ENPP1: variants seen among roughly 807,000 people sequenced by gnomAD.
ENPP1 encodes the protein ectonucleotide pyrophosphatase/phosphodiesterase 1, also known as ectonucleotide pyrophosphatase/phosphodiesterase family member 1.
ENPP1 carries 73 observed loss-of-function variants against 122.8 expected under a neutral mutation model. The observed-to-expected ratio is 0.59, with a 90% confidence interval of 0.49 to 0.72. The LOEUF (loss-of-function observed/expected upper bound fraction) is 0.72. Ranked by LOEUF, ENPP1 falls within the 30% of genes least tolerant of loss-of-function variation. ENPP1 has a pLI of 0.00. For synonymous variants in ENPP1, 367 were observed against 391.6 expected, an observed-to-expected ratio of 0.94 and a Z score of 0.74; for missense variants, 978 against 1,128.1, an observed-to-expected ratio of 0.87 and a Z score of 1.91.
chr6:131,816,602 A>T (rs1026810581), intron 1 of ENPP1, among the ~76,000 whole-genome samples: 1 of 152,356 alleles, frequency 6.6e-6, no homozygotes, highest in South Asian at 2.1e-4. Context: ...GTTCAGTTAA[A>T]TATTAACGGG....
intron 1 of ENPP1, among the ~76,000 whole-genome samples, chr6:131,822,329 A>G (rs1177300947): frequency 1.3e-5 from 2 of 152,234 alleles, no homozygotes; most frequent in African/African-American, 2.4e-5. Flanking sequence ...ATCATTTGCT[A>G]TGTGACCTTT....
chr6:131,826,862 C>A (rs540826928), intron 1 of ENPP1: 42 of 369,658 alleles, frequency 1.1e-4, no homozygotes, highest in African/African-American at 7.3e-4. Context: ...AGAAAAGTTT[C>A]TCACATAGGG....
At chr6:131,879,326 C>T (rs1280609004) in intron 19 of ENPP1, among the ~76,000 whole-genome samples, 3 of 152,128 alleles carry the variant, frequency 2.0e-5, no homozygotes, top group African/African-American at 7.2e-5. Context: ...ATAGTATTCC[C>T]TGTCAGCTGC....
chr6:131,878,689 A>G lies in ENPP1; in HGVS notation c.1945+96A>G, dbSNP rs193165741. ...ACTGGCTTGGGGGTATTATTTGAGA[A>G]TAACCAATAAAATAAAGGGAGTTCT... On this transcript the variant is annotated intron_variant, in intron 19 of 24. Transcript: ENST00000647893. The G allele has an allele frequency of 1.3e-4, 121 of 910,346 alleles. No individual in the cohort carries two copies. In the African/African-American group the frequency reaches 1.6e-3, roughly 12 times the overall value. The allele number at this position is 910,346 out of a possible 1,614,324, so 56.4% of individuals were successfully genotyped here. A position where few individuals can be genotyped will look rare whatever the true frequency, so the allele number is the denominator to read the frequency against.
intron 24 of ENPP1, among the ~76,000 whole-genome samples, chr6:131,886,926 C>CTTTTTTT (rs60409660): frequency 1.3e-4 from 14 of 110,490 alleles, no homozygotes; most frequent in South Asian, 3.2e-4. Flanking sequence ...TTACTTTTTT[C>CTTTTTTT]TTTTTTTTTT....
intron 1 of ENPP1, among the ~76,000 whole-genome samples, chr6:131,816,405 G>A (rs572268038): frequency 6.6e-6 from 1 of 152,088 alleles, no homozygotes; most frequent in East Asian, 1.9e-4. Flanking sequence ...AAACCTTTTA[G>A]CAAATGAGCT....
intron 1 of ENPP1, among the ~76,000 whole-genome samples, chr6:131,822,484 A>G (rs1781494911): frequency 6.6e-6 from 1 of 152,140 alleles, no homozygotes; most frequent in African/African-American, 2.4e-5. Flanking sequence ...TATCTATTGC[A>G]AAAAATTCAG....
At chr6:131,875,717 T>G (rs988425958) in intron 16 of ENPP1, 59 bp from the exon 17 acceptor site, 3 of 1,345,638 alleles carry the variant, frequency 2.2e-6, no homozygotes, top group African/African-American at 1.4e-5. Context: ...ACAGAATTTT[T>G]GGGACCAACT....
At chr6:131,820,099 C>T (rs892344857) in intron 1 of ENPP1, 6 of 461,812 alleles carry the variant, frequency 1.3e-5, no homozygotes, top group African/African-American at 6.1e-5. Context: ...CATCTTGCCC[C>T]CCTTCCCTGC....
chr6:131,890,693 T>C lies in ENPP1; in HGVS notation c.*182T>C. ...GCACAGCAGTGGAGAGTGTTCCTGTTGAATCTTGCACATATTTGAATGTGT... is the reference window on the plus strand; with the variant it reads ...GCACAGCAGTGGAGAGTGTTCCTGTCGAATCTTGCACATATTTGAATGTGT... On this transcript the variant is annotated 3_prime_UTR_variant, in exon 25 of 25. Transcript: ENST00000647893. 2 of 627,576 alleles carry C rather than the reference T, an allele frequency of 3.2e-6. No individual in the cohort carries two copies. The highest frequency in any genetic ancestry group is 5.7e-6 in the Non-Finnish European group (2 of 353,102). 38.9% of individuals were successfully genotyped at this position (627,576 alleles called of 1,614,324 possible).
intron 23 of ENPP1, among the ~76,000 whole-genome samples, chr6:131,885,411 G>T (rs1458745017): frequency 6.6e-6 from 1 of 152,152 alleles, no homozygotes; most frequent in Non-Finnish European, 1.5e-5. Context: ...GAACTCTATG[G>T]TGTGGCTACA....
Position 131,894,446 on chromosome 6 carries a change from C to CT in ENPP1, c.*3940dup, listed in dbSNP as rs967298071. 1.3e-5 allele frequency: 2 copies of CT among 151,864 alleles called. No homozygotes were observed. Among genetic ancestry groups the CT allele is most frequent in the Admixed American group, 6.6e-5 (1 of 15,220 alleles). 9.4% of individuals were successfully genotyped at this position (151,864 alleles called of 1,614,324 possible). On this transcript the variant is annotated 3_prime_UTR_variant, in exon 25 of 25. Coordinates refer to ENST00000647893, the MANE Select transcript of ENPP1 (RefSeq NM_006208.3). Reference sequence around the variant, plus strand: ...GATTATAGGCGCATGCCACACCTGGCTTTTTGTATTTTAGTGGAGATGGGG... The same window carrying CT: ...GATTATAGGCGCATGCCACACCTGGCTTTTTTGTATTTTAGTGGAGATGGGG...
chr6:131,817,786 C>CACACACAT (rs55820680), intron 1 of ENPP1, among the ~76,000 whole-genome samples: 1 of 148,788 alleles, frequency 6.7e-6, no homozygotes, highest in African/African-American at 2.5e-5. Flanking sequence ...CACACACACA[C>CACACACAT]GTGTGTATGT....
intron 1 of ENPP1, among the ~76,000 whole-genome samples, chr6:131,815,811 T>A (rs1312866964): frequency 4.6e-5 from 7 of 151,916 alleles, no homozygotes; most frequent in African/African-American, 1.7e-4. Context: ...TTCAAGTGAT[T>A]ATCCTGCCTT....
At chr6:131,858,828 T>C in intron 7 of ENPP1, 81 bp downstream of exon 7, 1 of 1,065,930 alleles carries the variant, frequency 9.4e-7, no homozygotes, top group Non-Finnish European at 1.4e-6. Flanking sequence ...AGATTTAAGA[T>C]AAAAGAAAAA....
At chr6:131,834,211 A>C (rs986719162) in intron 1 of ENPP1, among the ~76,000 whole-genome samples, 25 of 152,246 alleles carry the variant, frequency 1.6e-4, no homozygotes, top group African/African-American at 2.7e-4. Context: ...CTGAGGCAGA[A>C]GTTATAGGTG....
chr6:131,835,664 C>CCATCACCCA (rs1781664828), intron 1 of ENPP1, among the ~76,000 whole-genome samples: 1 of 151,964 alleles, frequency 6.6e-6, no homozygotes, highest in Non-Finnish European at 1.5e-5. Context: ...ACAGATCATC[C>CCATCACCCA]CATCACCCAG....
chr6:131,882,477 A>G lies in ENPP1; in HGVS notation c.2230+3A>G, dbSNP rs1456129780. On this transcript the variant is annotated splice_donor_region_variant and intron_variant, in intron 21 of 24. Transcript: ENST00000647893. Reference sequence around the variant, plus strand: ...TTACGGGTTCCTCTCCCCACCACGTAAGTTTTTTCCTCTCCTGACCTTCCC... The same window carrying G: ...TTACGGGTTCCTCTCCCCACCACGTGAGTTTTTTCCTCTCCTGACCTTCCC... The G allele has an allele frequency of 6.2e-7, 1 of 1,602,634 alleles. No homozygotes were observed. Among genetic ancestry groups the G allele is most frequent in the Non-Finnish European group, 8.5e-7 (1 of 1,173,066 alleles).
intron 11 of ENPP1, among the ~76,000 whole-genome samples, chr6:131,865,945 G>A (rs1399319984): frequency 1.3e-5 from 2 of 151,118 alleles, no homozygotes; most frequent in African/African-American, 2.4e-5. Flanking sequence ...TCAGTGAGCC[G>A]AGATCGCACC....
Sources: gnomAD v4.1 joint callset for allele counts (sites outside exome capture counted in the v4.1 genomes callset) on GRCh38, gnomAD v4.1.1 for gene constraint, MANE v1.5 for transcripts, NCBI Gene and HGNC (gene_info 2026-07-23, HGNC 2026-07-21) for gene names.